Variants in CA5B observed in about 807,000 individuals in gnomAD.
CA5B encodes carbonic anhydrase 5B, mitochondrial.
Under a neutral mutation model 23.1 loss-of-function variants are expected in CA5B, and 15 were observed. That is an observed-to-expected ratio of 0.65 (90% CI 0.43 to 1.00). The LOEUF (loss-of-function observed/expected upper bound fraction) is 1.00. Among genes scored for constraint, CA5B ranks in the 50% least tolerant of loss-of-function variants. The probability of loss-of-function intolerance (pLI) is 0.00; values close to 1 mark genes in which losing one functional copy is unlikely to be tolerated. For synonymous variants in CA5B, 84 were observed against 98.5 expected (o/e 0.85, Z 0.87); for missense variants, 236 against 252.2 (o/e 0.94, Z 0.43).
intron 1 of CA5B, among the ~76,000 whole-genome samples, chrX:15,740,482 C>T (rs1213744825): frequency 8.9e-6 from 1 of 112,549 alleles, no homozygotes; most frequent in Non-Finnish European, 1.9e-5. Flanking sequence ...TGCAATCAAG[C>T]ATTAGCTAAA....
At chrX:15,743,147 C>T (rs966785810) in intron 1 of CA5B, among the ~76,000 whole-genome samples, 7 of 112,650 alleles carry the variant, frequency 6.2e-5, no homozygotes, top group African/African-American at 1.3e-4. Context: ...GCCAGACATA[C>T]GCCCACTTCA....
intron 3 of CA5B, among the ~76,000 whole-genome samples, chrX:15,770,543 G>A (rs1427221338): frequency 3.7e-5 from 4 of 109,158 alleles, no homozygotes; most frequent in Admixed American, 9.8e-5. Context: ...TTGGCCTCCC[G>A]GAGTGCTAGG....
intron 2 of CA5B, among the ~76,000 whole-genome samples, chrX:15,760,896 C>T (rs1395230845): frequency 9.0e-6 from 1 of 111,722 alleles, no homozygotes; most frequent in African/African-American, 3.3e-5. Flanking sequence ...CCAACAATGG[C>T]AGTTGGATAT....
chrX:15,766,427 T>C (rs1931711391), intron 3 of CA5B, among the ~76,000 whole-genome samples: 1 of 111,599 alleles, frequency 9.0e-6, no homozygotes, highest in Non-Finnish European at 1.9e-5. Flanking sequence ...CTTTCCTTTC[T>C]CCTCCATGGT....
intron 3 of CA5B, among the ~76,000 whole-genome samples, chrX:15,771,204 CA>C (rs758945690): frequency 8.6e-4 from 26 of 30,188 alleles, no homozygotes; most frequent in Middle Eastern, 0.074. Context: ...CTCATCTCTA[CA>C]AAAAAAAAAA....
At chrX:15,752,748 A>G (rs1392807522) in intron 2 of CA5B, among the ~76,000 whole-genome samples, 6 of 111,094 alleles carry the variant, frequency 5.4e-5, no homozygotes, top group Admixed American at 4.8e-4. Flanking sequence ...ATCTCTGTTA[A>G]CATAGCTAGA....
rs763384446 is a variant in CA5B at position 15,782,517 on chromosome X, C to T, written c.807C>T (p.Ser269=). The T allele has an allele frequency of 5.3e-5, 64 of 1,209,235 alleles. No homozygotes were observed. In the Admixed American group the frequency reaches 5.9e-4, roughly 11 times the overall value. ...AATTTCGGACCCTGCTTTTCACTTCCGAAGGGGAGAAAGAGAAAAGAATGG... is the reference window on the plus strand; with the variant it reads ...AATTTCGGACCCTGCTTTTCACTTCTGAAGGGGAGAAAGAGAAAAGAATGG... ...LEQFRTLLFT[S]EGEKEKRMVD... The change falls in exon 8 of 8, where the codon TCC becomes TCT. Residue 269 remains serine, a synonymous_variant. Transcript: ENST00000318636.
chrX:15,774,491 A>C (rs776689540), intron 5 of CA5B, 94 bp downstream of exon 5: 1 of 1,003,431 alleles, frequency 1.0e-6, no homozygotes, highest in African/African-American at 1.9e-5. Flanking sequence ...GAATGTTGGG[A>C]TCCATACATT....
At chrX:15,752,732 A>C (rs1229293802) in intron 2 of CA5B, among the ~76,000 whole-genome samples, 1 of 111,223 alleles carries the variant, frequency 9.0e-6, no homozygotes, top group Admixed American at 9.5e-5. Flanking sequence ...CTCAAAAAAA[A>C]AAAAAATCTC....
At chrX:15,754,002 G>C (rs1931440148) in intron 2 of CA5B, among the ~76,000 whole-genome samples, 1 of 112,631 alleles carries the variant, frequency 8.9e-6, no homozygotes, top group South Asian at 3.6e-4. Flanking sequence ...GGTCAGGTTG[G>C]AGGTAGGTAT....
chrX:15,786,087 T>A lies in CA5B; in HGVS notation c.*3423T>A, dbSNP rs758864620. ...GGTTTCACCGTGTTAACCAGGATGGTCTCGATCTGACCTCGTGATCCACCC... is the reference window on the plus strand; with the variant it reads ...GGTTTCACCGTGTTAACCAGGATGGACTCGATCTGACCTCGTGATCCACCC... On this transcript the variant is annotated 3_prime_UTR_variant, in exon 8 of 8. Coordinates refer to ENST00000318636, the MANE Select transcript of CA5B (RefSeq NM_007220.4). 1 of 111,316 alleles carries A rather than the reference T, an allele frequency of 9.0e-6. No individual in the cohort carries two copies. The highest frequency in any genetic ancestry group is 1.9e-5 in the Non-Finnish European group (1 of 53,054). The allele number at this position is 111,316 out of a possible 1,213,427, so 9.2% of individuals were successfully genotyped here. A position where few individuals can be genotyped will look rare whatever the true frequency, so the allele number is the denominator to read the frequency against.
intron 3 of CA5B, among the ~76,000 whole-genome samples, chrX:15,766,104 C>T (rs1041533087): frequency 2.0e-5 from 2 of 98,736 alleles, no homozygotes; most frequent in Admixed American, 1.2e-4. Context: ...TTGCAGTGAG[C>T]CGAGATCGCG....
intron 2 of CA5B, among the ~76,000 whole-genome samples, chrX:15,753,016 C>T (rs1034175614): frequency 8.1e-5 from 9 of 111,234 alleles, no homozygotes; most frequent in Non-Finnish European, 1.5e-4. Context: ...CAGCTTTGAG[C>T]TGTCCCGCCT....
At position 15,785,269 on chromosome X, in the gene CA5B, A is replaced by C. The variant is rs1377861782; in HGVS notation, c.*2605A>C. The C allele has an allele frequency of 3.6e-5, 4 of 112,558 alleles. No homozygotes were observed. The highest frequency in any genetic ancestry group is 5.6e-5 in the Non-Finnish European group (3 of 53,353). 9.3% of individuals were successfully genotyped at this position (112,558 alleles called of 1,213,427 possible). On this transcript the variant is annotated 3_prime_UTR_variant, in exon 8 of 8. Coordinates refer to ENST00000318636, the MANE Select transcript of CA5B (RefSeq NM_007220.4). ...AGCCAAGAGGTTCTGGAAGCATCCC[A>C]AATGTCCATCAACAGATGAATAGAT...
chrX:15,769,123 G>A (rs948614146), intron 3 of CA5B, among the ~76,000 whole-genome samples: 13 of 111,643 alleles, frequency 1.2e-4, no homozygotes, highest in African/African-American at 3.9e-4. Flanking sequence ...AATAAAGAAC[G>A]AGCAGAAATC....
chrX:15,782,789 GA>G lies in CA5B; in HGVS notation c.*126del. 9.7e-6 allele frequency: 5 copies of G among 516,983 alleles called. No homozygotes were observed. Among genetic ancestry groups the G allele is most frequent in the Non-Finnish European group, 1.2e-5 (4 of 327,017 alleles). The allele number at this position is 516,983 out of a possible 1,213,427, so 42.6% of individuals were successfully genotyped here. On this transcript the variant is annotated 3_prime_UTR_variant, in exon 8 of 8. Transcript: ENST00000318636. ...TTTACAGATGTGCATTTCTTAGCATGAGAGTGCTTCATCAGTCTTTGAGGAA... is the reference window on the plus strand; with the variant it reads ...TTTACAGATGTGCATTTCTTAGCATGGAGTGCTTCATCAGTCTTTGAGGAA...
At chrX:15,775,478 G>A in intron 6 of CA5B, 170 bp downstream of exon 6, 1 of 985,816 alleles carries the variant, frequency 1.0e-6, no homozygotes, top group Non-Finnish European at 1.3e-6. Flanking sequence ...ATCATTCTGT[G>A]GGTAGGCAGT....
intron 2 of CA5B, among the ~76,000 whole-genome samples, chrX:15,750,690 G>A (rs964663128): frequency 8.9e-6 from 1 of 112,343 alleles, no homozygotes; most frequent in African/African-American, 3.2e-5. Flanking sequence ...AGGAATTACT[G>A]AATTAATTCT....
At chrX:15,750,297 A>G in intron 2 of CA5B, 132 bp downstream of exon 2, 2 of 501,428 alleles carry the variant, frequency 4.0e-6, no homozygotes, top group Non-Finnish European at 6.6e-6. Flanking sequence ...ACTCATCTTT[A>G]TAATAATCAC....
Sources: allele counts gnomAD v4.1 joint callset (sites outside exome capture counted in the v4.1 genomes callset), GRCh38; gene constraint gnomAD v4.1.1; transcripts MANE v1.5; gene names NCBI Gene and HGNC (gene_info 2026-07-23, HGNC 2026-07-21).